AGFG1: variants seen among roughly 807,000 people sequenced by gnomAD.
AGFG1 encodes the protein ArfGAP with FG repeats 1.
A neutral mutation model predicts 60.6 loss-of-function variants in AGFG1; 10 were observed. That is an observed-to-expected ratio of 0.16 (90% CI 0.10 to 0.28). AGFG1 has a LOEUF of 0.28. Among genes scored for constraint, AGFG1 ranks in the 10% least tolerant of loss-of-function variants. AGFG1 has a pLI of 1.00. For missense variants in AGFG1, 537 were observed against 676.5 expected (o/e 0.79, Z 2.29); for synonymous variants, 247 against 242.9 (o/e 1.02, Z -0.16).
At chr2:227,481,259 T>G (rs7594606) in intron 1 of AGFG1, among the ~76,000 whole-genome samples, 91,220 of 151,794 alleles carry the variant, frequency 0.6, 27,441 homozygotes, top group South Asian at 0.69. Flanking sequence ...TCTGTGTGTT[T>G]GATCTTAGAT....
Position 227,533,748 on chromosome 2 carries a change from T to G in AGFG1, c.1014T>G (p.Ser338Arg), listed in dbSNP as rs143201797. 2 of 1,613,370 alleles carry G rather than the reference T, an allele frequency of 1.2e-6. No individual in the cohort carries two copies. Among genetic ancestry groups the G allele is most frequent in the Non-Finnish European group, 1.7e-6 (2 of 1,179,596 alleles). ...AALANLDNIFSAGQGGDQGSG... is the reference protein window; with the variant it reads ...AALANLDNIFRAGQGGDQGSG... ...TTGCTAATTTAGACAATATCTTCAG[T>G]GCCGGGCAAGGTATCAAGCTTTAAG... The change falls in exon 7 of 13, where the codon AGT becomes AGG. Residue 338 changes from serine (S) to arginine (R), a missense_variant. Around this residue, in one of 4 missense-constraint regions of AGFG1, gnomAD observed 287 missense variants for 343.6 expected, o/e 0.84. Coordinates refer to ENST00000310078, the MANE Select transcript of AGFG1 (RefSeq NM_004504.5).
At chr2:227,495,913 G>A (rs573543071) in intron 2 of AGFG1, among the ~76,000 whole-genome samples, 1 of 151,590 alleles carries the variant, frequency 6.6e-6, no homozygotes, top group East Asian at 1.9e-4. Context: ...GACCAGCCTG[G>A]CCAACGTGGC....
chr2:227,525,228 C>T (rs1020659111), intron 5 of AGFG1, among the ~76,000 whole-genome samples: 1 of 152,162 alleles, frequency 6.6e-6, no homozygotes, highest in Non-Finnish European at 1.5e-5. Context: ...ATGTGCTAAT[C>T]ACTCATGGCT....
At chr2:227,495,431 G>A (rs184245271) in intron 2 of AGFG1, among the ~76,000 whole-genome samples, 2 of 151,194 alleles carry the variant, frequency 1.3e-5, no homozygotes, top group African/African-American at 2.4e-5. Flanking sequence ...CTGTAGTCCC[G>A]GCTACCCAGG....
At chr2:227,550,820 AT>A (rs1200907495) in intron 10 of AGFG1, among the ~76,000 whole-genome samples, 1 of 152,184 alleles carries the variant, frequency 6.6e-6, no homozygotes, top group Non-Finnish European at 1.5e-5. Context: ...CAATGAACAA[AT>A]TGGTAAATTT....
chr2:227,514,043 C>T (rs1185743312), intron 2 of AGFG1, among the ~76,000 whole-genome samples: 1 of 152,150 alleles, frequency 6.6e-6, no homozygotes, highest in African/African-American at 2.4e-5. Flanking sequence ...GGAGAGTGCT[C>T]TGTCAAGACC....
intron 1 of AGFG1, among the ~76,000 whole-genome samples, chr2:227,484,688 G>GTTTTTTTGTTT (rs1690570519): frequency 4.0e-5 from 1 of 25,092 alleles, no homozygotes; most frequent in African/African-American, 1.1e-4. Context: ...TTTTTTTTTT[G>GTTTTTTTGTTT]TTTTTTTTTT....
At chr2:227,545,103 C>T (rs901920575) in intron 10 of AGFG1, among the ~76,000 whole-genome samples, 3 of 152,146 alleles carry the variant, frequency 2.0e-5, no homozygotes, top group Admixed American at 6.5e-5. Flanking sequence ...ACCAATCAGA[C>T]GTAGATTTGG....
intron 1 of AGFG1, among the ~76,000 whole-genome samples, chr2:227,485,567 C>T (rs1690609378): frequency 6.6e-6 from 1 of 151,956 alleles, no homozygotes; most frequent in African/African-American, 2.4e-5. Context: ...TTTATTTATC[C>T]AGATTTTGAT....
chr2:227,474,806 A>G (rs1306530548), intron 1 of AGFG1, among the ~76,000 whole-genome samples: 3 of 152,250 alleles, frequency 2.0e-5, no homozygotes, highest in Non-Finnish European at 4.4e-5. Flanking sequence ...CTAGGTACAC[A>G]TGGCTTTGAA....
At chr2:227,502,381 C>T (rs943367858) in intron 2 of AGFG1, among the ~76,000 whole-genome samples, 18 of 152,036 alleles carry the variant, frequency 1.2e-4, no homozygotes, top group African/African-American at 3.6e-4. Flanking sequence ...AGTACAGTGA[C>T]GCGATCTTGG....
chr2:227,560,858 T>C lies in AGFG1; in HGVS notation c.*6363T>C, dbSNP rs1008505435. On this transcript the variant is annotated 3_prime_UTR_variant, in exon 13 of 13. Transcript: ENST00000310078. ...TGTTAGTCAAGCACAGGATTTGTTT[T>C]CTGCAAAAGTTTATTTTCAATGAAG... 6.6e-6 allele frequency: 1 copy of C among 152,160 alleles called. No individual in the cohort carries two copies. Among genetic ancestry groups the C allele is most frequent in the African/African-American group, 2.4e-5 (1 of 41,452 alleles). The allele number at this position is 152,160 out of a possible 1,614,324, so 9.4% of individuals were successfully genotyped here.
At chr2:227,497,536 G>T (rs1379667334) in intron 2 of AGFG1, among the ~76,000 whole-genome samples, 1 of 151,576 alleles carries the variant, frequency 6.6e-6, no homozygotes, top group Non-Finnish European at 1.5e-5. Flanking sequence ...ATTTTAAACT[G>T]TTTAAAAAAT....
intron 2 of AGFG1, among the ~76,000 whole-genome samples, chr2:227,512,162 C>T (rs1401677692): frequency 6.6e-6 from 1 of 152,194 alleles, no homozygotes; most frequent in Non-Finnish European, 1.5e-5. Context: ...AGGCACTATG[C>T]CTCAGAGATC....
At chr2:227,546,082 C>T (rs1440349993) in intron 10 of AGFG1, among the ~76,000 whole-genome samples, 1 of 152,296 alleles carries the variant, frequency 6.6e-6, no homozygotes, top group Non-Finnish European at 1.5e-5. Context: ...CTATGCCCTG[C>T]CCCCAGTGGT....
chr2:227,551,929 T>C, intron 10 of AGFG1, 30 bp from the exon 11 acceptor site: 2 of 1,610,968 alleles, frequency 1.2e-6, no homozygotes, highest in Non-Finnish European at 1.7e-6. Context: ...TCCTGTTGTA[T>C]GTAACTGATC....
In AGFG1 at chr2:227,559,907, A is replaced by T. The variant is rs1163090499; in HGVS notation, c.*5412A>T. On this transcript the variant is annotated 3_prime_UTR_variant, in exon 13 of 13. Coordinates refer to ENST00000310078, the MANE Select transcript of AGFG1 (RefSeq NM_004504.5). ...TTTAAAGACTTTAAAGGTTTTTTGT[A>T]TGCTATAATATATGCTTATGATTTC... is the stretch of plus-strand genomic sequence containing the variant. 2 of 152,160 alleles carry T rather than the reference A, an allele frequency of 1.3e-5. No homozygotes were observed. Among genetic ancestry groups the T allele is most frequent in the Non-Finnish European group, 2.9e-5 (2 of 67,988 alleles). The allele number at this position is 152,160 out of a possible 1,614,324, so 9.4% of individuals were successfully genotyped here. A position where few individuals can be genotyped will look rare whatever the true frequency, so the allele number is the denominator to read the frequency against.
At chr2:227,530,413 G>C (rs1191404068) in intron 5 of AGFG1, among the ~76,000 whole-genome samples, 2 of 152,102 alleles carry the variant, frequency 1.3e-5, no homozygotes, top group Non-Finnish European at 2.9e-5. Flanking sequence ...ACAAAGTCCT[G>C]TCTTGCCTAT....
At chr2:227,540,510 A>G (rs924063144) in intron 10 of AGFG1, among the ~76,000 whole-genome samples, 3 of 152,152 alleles carry the variant, frequency 2.0e-5, no homozygotes, top group Non-Finnish European at 4.4e-5. Context: ...CCGTGTGCCT[A>G]CAAAGGACAT....
Sources: gnomAD v4.1 joint callset for allele counts (sites outside exome capture counted in the v4.1 genomes callset) on GRCh38, gnomAD v4.1.1 for gene constraint, gnomAD v4.1.1 regional missense constraint, MANE v1.5 for transcripts, NCBI Gene and HGNC (gene_info 2026-07-23, HGNC 2026-07-21) for gene names.